Variants in TTLL4 observed in about 807,000 individuals in gnomAD.
The protein encoded by TTLL4 is tubulin monoglutamylase TTLL4.
In TTLL4, 85 loss-of-function variants were observed where a neutral mutation model predicts 122.7. The ratio of observed to expected loss-of-function variants is 0.69; its 90% confidence interval spans 0.58 to 0.83. The LOEUF (loss-of-function observed/expected upper bound fraction) is 0.83. TTLL4 is among the 40% of genes least tolerant of loss of function. TTLL4 has a pLI of 0.00. For synonymous variants in TTLL4, 553 were observed against 563.0 expected, an observed-to-expected ratio of 0.98 and a Z score of 0.25; for missense variants, 1,363 against 1,488.6, an observed-to-expected ratio of 0.92 and a Z score of 1.39.
chr2:218,733,167 G>A (rs1942425586), intron 2 of TTLL4, among the ~76,000 whole-genome samples: 2 of 152,148 alleles, frequency 1.3e-5, no homozygotes, highest in African/African-American at 4.8e-5. Flanking sequence ...TCTTTAGGAA[G>A]ACAGTGGCCC....
intron 1 of TTLL4, among the ~76,000 whole-genome samples, chr2:218,718,383 T>C (rs919591682): frequency 6.6e-6 from 1 of 152,074 alleles, no homozygotes; most frequent in Non-Finnish European, 1.5e-5. Context: ...CTTTTCTTTT[T>C]TTTTTTTCTT....
chr2:218,746,472 C>T (rs1421898084), intron 8 of TTLL4: 2 of 540,068 alleles, frequency 3.7e-6, no homozygotes, highest in Non-Finnish European at 6.6e-6. Flanking sequence ...AGCTGAGTCC[C>T]TCTCCTGAAC....
At chr2:218,725,594 C>T (rs948286096) in intron 1 of TTLL4, among the ~76,000 whole-genome samples, 7 of 151,810 alleles carry the variant, frequency 4.6e-5, no homozygotes, top group East Asian at 1.9e-4. Context: ...CTTACGCTGT[C>T]GTCCATGCTG....
intron 1 of TTLL4, among the ~76,000 whole-genome samples, chr2:218,722,149 G>T (rs1412014424): frequency 2.6e-5 from 4 of 152,040 alleles, no homozygotes; most frequent in African/African-American, 9.7e-5. Context: ...GGGTGCGGTG[G>T]AACACACCAG....
intron 1 of TTLL4, among the ~76,000 whole-genome samples, chr2:218,714,886 G>T (rs996213905): frequency 4.0e-5 from 6 of 151,830 alleles, no homozygotes; most frequent in Admixed American, 2.0e-4. Flanking sequence ...TTACAGGCTT[G>T]AGCCACTGCG....
Position 218,753,582 on chromosome 2 carries a change from A to T in TTLL4, c.3259-2A>T, listed in dbSNP as rs906502950. 6.2e-7 allele frequency: 1 copy of T among 1,613,624 alleles called. No homozygotes were observed. Among genetic ancestry groups the T allele is most frequent in the South Asian group, 1.1e-5 (1 of 91,088 alleles). On this transcript the variant is annotated splice_acceptor_variant, in intron 18 of 19. Transcript: ENST00000392102. LOFTEE classifies it high-confidence loss of function. ...TGGTCTCATTGCTTCCTTTGCTCTT[A>T]GTGGTCTCTCCCGACATCACTTCTG...
chr2:218,754,547 T>TAA lies in TTLL4; in HGVS notation c.*159_*160insAA, dbSNP rs1943113332. 13 of 986,510 alleles carry TAA rather than the reference T, an allele frequency of 1.3e-5. No individual in the cohort carries two copies. In the South Asian group the frequency reaches 2.2e-4, roughly 17 times the overall value. 61.1% of individuals were successfully genotyped at this position (986,510 alleles called of 1,614,324 possible). A position where few individuals can be genotyped will look rare whatever the true frequency, so the allele number is the denominator to read the frequency against. The stretch of plus-strand genomic sequence containing the variant: ...GTTGCATTATAGAGATGGGTATTTG[T>TAA]AGGGCCGGAGGGATGGTAGTGATGG... On this transcript the variant is annotated 3_prime_UTR_variant, in exon 20 of 20. Coordinates refer to ENST00000392102, the MANE Select transcript of TTLL4 (RefSeq NM_014640.5).
chr2:218,754,416 C>T lies in TTLL4; in HGVS notation c.*27C>T, dbSNP rs1943110616. 1 of 1,612,150 alleles carries T rather than the reference C, an allele frequency of 6.2e-7. No homozygotes were observed. The highest frequency in any genetic ancestry group is 1.1e-5 in the South Asian group (1 of 90,944). On this transcript the variant is annotated 3_prime_UTR_variant, in exon 20 of 20. Transcript: ENST00000392102. The stretch of plus-strand genomic sequence containing the variant: ...TGGCCTCTCTCCAAAAGCCTCTGCC[C>T]AGGAGCATGGGCATCAGCTACCTCA...
At chr2:218,726,569 G>A (rs1267562209) in intron 1 of TTLL4, among the ~76,000 whole-genome samples, 2 of 151,984 alleles carry the variant, frequency 1.3e-5, no homozygotes, top group Non-Finnish European at 2.9e-5. Flanking sequence ...GGGTTCAAGC[G>A]ATTCTTATGC....
chr2:218,755,707 CTT>C (rs1474125380), downstream of TTLL4, among the ~76,000 whole-genome samples: 2 of 152,232 alleles, frequency 1.3e-5, no homozygotes, highest in Non-Finnish European at 2.9e-5. Flanking sequence ...CAAGTTTTCT[CTT>C]TGCACATCAG....
chr2:218,756,058 C>T (rs1262399358), downstream of TTLL4, among the ~76,000 whole-genome samples: 2 of 152,110 alleles, frequency 1.3e-5, no homozygotes, highest in African/African-American at 4.8e-5. Flanking sequence ...TTGAAGTGAC[C>T]CGCCTCTTCT....
chr2:218,740,295 G>A (rs1175493739), intron 4 of TTLL4, 128 bp downstream of exon 4: 2 of 970,160 alleles, frequency 2.1e-6, no homozygotes, highest in East Asian at 5.2e-5. Flanking sequence ...GGGGTCTTAA[G>A]TGGGGGTAGT....
At position 218,745,682 on chromosome 2, in the gene TTLL4, T is replaced by G. The variant is rs1385320846; in HGVS notation, c.1787-9T>G. On this transcript the variant is annotated splice_polypyrimidine_tract_variant and intron_variant, in intron 6 of 19. Coordinates refer to ENST00000392102, the MANE Select transcript of TTLL4 (RefSeq NM_014640.5). ...TCCCCCATCCCCACACCCCTTGCAT[T>G]CTTCCCAGTGGAGAAACTTCCCTGG... 1.9e-6 allele frequency: 3 copies of G among 1,591,892 alleles called. No individual in the cohort carries two copies. Among genetic ancestry groups the G allele is most frequent in the Non-Finnish European group, 2.6e-6 (3 of 1,164,402 alleles).
At chr2:218,750,187 G>T in intron 15 of TTLL4, 41 bp downstream of exon 15, 1 of 1,603,910 alleles carries the variant, frequency 6.2e-7, no homozygotes. Context: ...GGCAGCATGA[G>T]TAGCCCTGCT....
At chr2:218,756,152 A>G (rs915247231), downstream of TTLL4, among the ~76,000 whole-genome samples, 1 of 152,216 alleles carries the variant, frequency 6.6e-6, no homozygotes, top group African/African-American at 2.4e-5. Flanking sequence ...CCTGCCTGGC[A>G]GTTTTGTTGT....
intron 2 of TTLL4, among the ~76,000 whole-genome samples, chr2:218,731,110 T>TA (rs79616110): frequency 1.0e-3 from 105 of 101,780 alleles, no homozygotes; most frequent in Admixed American, 5.6e-4. Context: ...AGACCTTGTC[T>TA]AAAAAAAAAA....
chr2:218,729,747 TTAAAAAAAAAAAAAAC>T (rs1942304512), intron 2 of TTLL4, among the ~76,000 whole-genome samples: 1 of 93,612 alleles, frequency 1.1e-5, no homozygotes, highest in East Asian at 2.2e-4. Context: ...CTCTCTCTTT[TTAAAAAAAAAAAAAAC>T]AAAAAAAAAA....
At chr2:218,746,884 A>T in intron 8 of TTLL4, 119 bp from the exon 9 acceptor site, 1 of 1,117,144 alleles carries the variant, frequency 9.0e-7, no homozygotes, top group Middle Eastern at 3.0e-4. Context: ...GGTGATAGTA[A>T]GATGGAACAA....
intron 8 of TTLL4, 106 bp from the exon 9 acceptor site, chr2:218,746,897 G>T (rs1413101132): frequency 1.6e-6 from 2 of 1,282,512 alleles, no homozygotes; most frequent in African/African-American, 1.5e-5. Flanking sequence ...TGGAACAAAA[G>T]CTTGGAGTGC....
Sources: gnomAD v4.1 joint callset for allele counts (sites outside exome capture counted in the v4.1 genomes callset) on GRCh38, gnomAD v4.1.1 for gene constraint, MANE v1.5 for transcripts, NCBI Gene and HGNC (gene_info 2026-07-23, HGNC 2026-07-21) for gene names.